DEPDC5: variants seen among roughly 807,000 people sequenced by gnomAD.
The protein encoded by DEPDC5 is DEP domain containing 5, GATOR1 subcomplex subunit.
A neutral mutation model predicts 217.3 loss-of-function variants in DEPDC5; 73 were observed. The observed-to-expected ratio is 0.34, with a 90% confidence interval of 0.28 to 0.41. The LOEUF is 0.41. Among genes scored for constraint, DEPDC5 ranks in the 10% least tolerant of loss-of-function variants. The pLI, the probability that DEPDC5 is intolerant of heterozygous loss-of-function variation, is 1.00. For missense variants in DEPDC5, 1,675 were observed against 2,070.1 expected, an observed-to-expected ratio of 0.81 and a Z score of 3.70; for synonymous variants, 733 against 756.7, an observed-to-expected ratio of 0.97 and a Z score of 0.51.
intron 34 of DEPDC5, 102 bp downstream of exon 34, chr22:31,870,846 C>G (rs575189073): frequency 3.0e-6 from 4 of 1,327,416 alleles, no homozygotes; most frequent in Admixed American, 6.6e-5. Flanking sequence ...CGAGTTCTGA[C>G]TCTGCCACAA....
intron 36 of DEPDC5, chr22:31,875,442 C>G (rs1471204956): frequency 6.6e-6 from 1 of 152,130 alleles, no homozygotes; most frequent in East Asian, 1.9e-4. Context: ...CTTATATTCT[C>G]TATCATACGT....
rs2093765379 is a variant in DEPDC5 at position 31,906,699 on chromosome 22, T to C, written c.*202T>C. 2 of 676,256 alleles carry C rather than the reference T, an allele frequency of 3.0e-6. No homozygotes were observed. The highest frequency in any genetic ancestry group is 4.9e-6 in the Non-Finnish European group (2 of 408,592). The allele number at this position is 676,256 out of a possible 1,614,324, so 41.9% of individuals were successfully genotyped here. ...GTCTTCTACTCTAGAAGAAAGACTT[T>C]GGAAGCAGCTGCTGCTGCTGCCACC... is the stretch of plus-strand genomic sequence containing the variant. On this transcript the variant is annotated 3_prime_UTR_variant, in exon 43 of 43. Coordinates refer to ENST00000651528, the MANE Select transcript of DEPDC5 (RefSeq NM_001242896.3). The surrounding 1 kb of genome is among the most constrained non-coding windows in gnomAD (Gnocchi z 5.1).
At chr22:31,867,996 G>A (rs1261318201) in intron 33 of DEPDC5, among the ~76,000 whole-genome samples, 1 of 152,066 alleles carries the variant, frequency 6.6e-6, no homozygotes, top group Non-Finnish European at 1.5e-5. Flanking sequence ...TTAAATTTAC[G>A]GCATGGTCTC....
chr22:31,875,621 G>A (rs561004013), intron 36 of DEPDC5: 2 of 143,344 alleles, frequency 1.4e-5, no homozygotes, highest in African/African-American at 5.3e-5. Flanking sequence ...AGTGGCATAT[G>A]TGGATTTTTT....
intron 31 of DEPDC5, among the ~76,000 whole-genome samples, chr22:31,856,519 G>A (rs2149110081): frequency 6.6e-6 from 1 of 152,220 alleles, no homozygotes; most frequent in African/African-American, 2.4e-5. Context: ...CTAAAATAAA[G>A]TGTAGTTAAT....
chr22:31,792,842 T>A (rs1270649048), intron 12 of DEPDC5, 25 bp downstream of exon 12: 2 of 1,469,266 alleles, frequency 1.4e-6, no homozygotes, highest in Non-Finnish European at 9.0e-7. Flanking sequence ...TTTGCTATAC[T>A]TTTTATTTAT....
At position 31,772,933 on chromosome 22, in the gene DEPDC5, C is replaced by T. The variant is rs564367027; in HGVS notation, c.413+4070C>T. Among the ~76,000 whole-genome samples the T allele has an allele frequency of 9.2e-5, 14 of 152,126 alleles. 1 individual carries two copies. The South Asian group carries it at 2.9e-3, about 31-fold the overall frequency. ...AATAGCTGGGACTACAGGAATGCAC[C>T]ACTATGCCCAGCTAATTTTTGTTTT... On this transcript the variant is annotated intron_variant, in intron 7 of 42. Transcript: ENST00000651528.
intron 18 of DEPDC5, 114 bp from the exon 19 acceptor site, chr22:31,809,497 C>T (rs2087984803): frequency 8.7e-7 from 1 of 1,148,392 alleles, no homozygotes; most frequent in Non-Finnish European, 1.3e-6. Context: ...TAGCTCCTGC[C>T]TTTCTGTCAG....
chr22:31,796,052 C>G (rs887475440), intron 12 of DEPDC5, among the ~76,000 whole-genome samples: 1 of 150,676 alleles, frequency 6.6e-6, no homozygotes, highest in African/African-American at 2.4e-5. Context: ...TTTCTATTTA[C>G]TGTATCACAA....
Position 31,845,179 on chromosome 22 carries a change from G to A in DEPDC5, c.2963G>A (p.Arg988His). The A allele has an allele frequency of 1.2e-6, 2 of 1,614,144 alleles. No homozygotes were observed. The highest frequency in any genetic ancestry group is 1.7e-6 in the Non-Finnish European group (2 of 1,180,006). The change falls in exon 30 of 43, where the codon CGC (arginine) becomes CAC (histidine). Residue 988 changes from arginine to histidine, a missense_variant. Around this residue, in one of 11 missense-constraint regions of DEPDC5, gnomAD observed 293 missense variants for 386.1 expected, o/e 0.76. Coordinates refer to ENST00000651528, the MANE Select transcript of DEPDC5 (RefSeq NM_001242896.3). Reference sequence around the variant, plus strand: ...TGGCAACTCCTGGATGGTTTTGTCCGCTTTGTGGAGGGCTTGAATCGCATT... The same window carrying A: ...TGGCAACTCCTGGATGGTTTTGTCCACTTTGTGGAGGGCTTGAATCGCATT... ...DEWQLLDGFV[R>H]FVEGLNRIRR...
intron 32 of DEPDC5, among the ~76,000 whole-genome samples, chr22:31,859,391 T>C (rs1226994771): frequency 9.4e-6 from 1 of 106,928 alleles, no homozygotes; most frequent in Non-Finnish European, 1.9e-5. Context: ...GCGCCCGGCT[T>C]TTTTTTTTTT....
intron 1 of DEPDC5, among the ~76,000 whole-genome samples, chr22:31,754,385 C>T (rs1809603816): frequency 6.6e-6 from 1 of 152,260 alleles, no homozygotes; most frequent in South Asian, 2.1e-4. Flanking sequence ...CTTCTGCCTT[C>T]CTCCTCTTTG....
rs1187980574 is a variant in DEPDC5, at chr22:31,771,780, C to CACACAG, written c.413+2918_413+2919insCACAGA. The stretch of plus-strand genomic sequence containing the variant: ...ACACACACACACACACACACACACA[C>CACACAG]AGTTAGGACTAGGTGCAGTGGCTCA... On this transcript the variant is annotated intron_variant, in intron 7 of 42. Coordinates refer to ENST00000651528, the MANE Select transcript of DEPDC5 (RefSeq NM_001242896.3). Among the ~76,000 whole-genome samples the CACACAG allele has an allele frequency of 4.3e-4, 59 of 135,672 alleles. 2 individuals carry two copies. Among genetic ancestry groups the CACACAG allele is most frequent in the African/African-American group, 1.4e-3 (51 of 36,236 alleles). 89.0% of individuals were successfully genotyped at this position (135,672 alleles called of 152,430 possible).
At position 31,806,337 on chromosome 22, in the gene DEPDC5, A is replaced by C. The variant is rs2087536083; in HGVS notation, c.1287+146A>C. 8.9e-6 allele frequency: 6 copies of C among 672,198 alleles called. No individual in the cohort carries two copies. The South Asian group carries it at 1.3e-4, about 14-fold the overall frequency. 41.6% of individuals were successfully genotyped at this position (672,198 alleles called of 1,614,324 possible). On this transcript the variant is annotated intron_variant, in intron 18 of 42. Coordinates refer to ENST00000651528, the MANE Select transcript of DEPDC5 (RefSeq NM_001242896.3). ...CCATTCTGCCCAGCCAAGAAGGTAG[A>C]TTTCATTAATCAGCAGAGAGCCTTT...
At chr22:31,824,333 G>A (rs1484443300) in intron 24 of DEPDC5, among the ~76,000 whole-genome samples, 4 of 151,330 alleles carry the variant, frequency 2.6e-5, no homozygotes, top group African/African-American at 9.7e-5. Flanking sequence ...GCGACAGAGC[G>A]AGACTTTGTC....
intron 37 of DEPDC5, among the ~76,000 whole-genome samples, chr22:31,878,968 A>G (rs2093083618): frequency 6.7e-6 from 1 of 148,478 alleles, no homozygotes; most frequent in Non-Finnish European, 1.5e-5. Context: ...CAGAGGTTGC[A>G]GTAAGCTGAG....
intron 12 of DEPDC5, among the ~76,000 whole-genome samples, chr22:31,796,279 T>G (rs1307284121): frequency 6.6e-6 from 1 of 151,724 alleles, no homozygotes; most frequent in Non-Finnish European, 1.5e-5. Context: ...TTTTTTTGTA[T>G]TTTTTAGTGG....
In DEPDC5 at chr22:31,843,232, A is replaced by AAG. The variant is rs1462356559; in HGVS notation, c.2633+21_2633+22dup. 20 of 1,608,406 alleles carry AAG rather than the reference A, an allele frequency of 1.2e-5. No homozygotes were observed. The highest frequency in any genetic ancestry group is 1.7e-5 in the Non-Finnish European group (20 of 1,175,690). ...TCCCAAGTGAGTATTTGGATATTTA[A>AAG]AGTCTTCAGTTATTGTCCTGAATTA... is the stretch of plus-strand genomic sequence containing the variant. On this transcript the variant is annotated intron_variant, in intron 28 of 42. Transcript: ENST00000651528.
chr22:31,879,904 C>T (rs1466203319), intron 38 of DEPDC5, 152 bp downstream of exon 38: 7 of 733,864 alleles, frequency 9.5e-6, no homozygotes, highest in Non-Finnish European at 1.3e-5. Context: ...CTGTTGGCTC[C>T]GTTGCTGACT....
Sources: allele counts gnomAD v4.1 joint callset (sites outside exome capture counted in the v4.1 genomes callset), GRCh38; gene constraint gnomAD v4.1.1; regional missense constraint gnomAD v4.1.1; non-coding constraint Gnocchi (gnomAD v3.1); transcripts MANE v1.5; gene names NCBI Gene and HGNC (gene_info 2026-07-23, HGNC 2026-07-21).